The following ERBB4 variants were observed in gnomAD, a reference collection of about 807,000 sequenced individuals.
ERBB4 encodes the protein erb-b2 receptor tyrosine kinase 4, also known as receptor tyrosine-protein kinase erbB-4.
Under a neutral mutation model 158.0 loss-of-function variants are expected in ERBB4, and 42 were observed. The observed-to-expected ratio is 0.27, with a 90% CI of 0.21 to 0.34. ERBB4 has a LOEUF of 0.34. ERBB4 is among the 10% of genes least tolerant of loss of function. The pLI is 1.00. For missense variants in ERBB4, 1,333 were observed against 1,624.1 expected, an observed-to-expected ratio of 0.82 and a Z score of 3.08; for synonymous variants, 583 against 558.7, an observed-to-expected ratio of 1.04 and a Z score of -0.61.
At chr2:211,988,134 G>A (rs1450703146) in intron 2 of ERBB4, among the ~76,000 whole-genome samples, 1 of 152,084 alleles carries the variant, frequency 6.6e-6, no homozygotes, top group Non-Finnish European at 1.5e-5. Context: ...AGCAGAAAAA[G>A]GTTTTAGAGA....
intron 14 of ERBB4, among the ~76,000 whole-genome samples, chr2:211,665,702 A>C (rs1559396101): frequency 1.3e-5 from 2 of 152,208 alleles, no homozygotes; most frequent in Non-Finnish European, 2.9e-5. Context: ...GTGTGAAAAC[A>C]CTATAATAAT....
chr2:212,114,222 A>C (rs1475603743), intron 2 of ERBB4, among the ~76,000 whole-genome samples: 1 of 152,236 alleles, frequency 6.6e-6, no homozygotes, highest in African/African-American at 2.4e-5. Context: ...GGAGGAATTT[A>C]GACTAGGTAG....
intron 4 of ERBB4, among the ~76,000 whole-genome samples, chr2:211,755,604 G>A (rs1013669282): frequency 3.3e-5 from 5 of 152,200 alleles, no homozygotes; most frequent in Admixed American, 1.3e-4. Context: ...CTTTCACAAT[G>A]CATTATTCAT....
intron 2 of ERBB4, among the ~76,000 whole-genome samples, chr2:211,953,521 C>T (rs1054751315): frequency 6.7e-6 from 1 of 148,294 alleles, no homozygotes; most frequent in Admixed American, 6.7e-5. Flanking sequence ...AGACAAAATC[C>T]TGACTCTGGT....
At chr2:212,510,313 C>G (rs1015677658) in intron 1 of ERBB4, among the ~76,000 whole-genome samples, 4 of 149,780 alleles carry the variant, frequency 2.7e-5, no homozygotes, top group Admixed American at 6.7e-5. Flanking sequence ...AACAAGTGTA[C>G]AGAAGGCTAC....
At chr2:212,289,116 C>T (rs2106174321) in intron 1 of ERBB4, among the ~76,000 whole-genome samples, 1 of 152,250 alleles carries the variant, frequency 6.6e-6, no homozygotes, top group Non-Finnish European at 1.5e-5. Flanking sequence ...CCAGCCGTGG[C>T]TACATAATTC....
At chr2:212,334,943 T>G (rs1350607454) in intron 1 of ERBB4, among the ~76,000 whole-genome samples, 1 of 151,954 alleles carries the variant, frequency 6.6e-6, no homozygotes, top group Non-Finnish European at 1.5e-5. Flanking sequence ...AAACAGTTCC[T>G]AAGTAGATCA....
At chr2:212,182,567 G>A (rs2081901561) in intron 1 of ERBB4, among the ~76,000 whole-genome samples, 1 of 151,690 alleles carries the variant, frequency 6.6e-6, no homozygotes, top group Non-Finnish European at 1.5e-5. Flanking sequence ...CTGAACTGTT[G>A]TTTTTATTTG....
intron 1 of ERBB4, among the ~76,000 whole-genome samples, chr2:212,209,730 G>A (rs1278341647): frequency 6.6e-6 from 1 of 152,032 alleles, no homozygotes; most frequent in East Asian, 1.9e-4. Context: ...AATCCAATAG[G>A]CTGGTTTTCA....
At chr2:211,836,436 T>C (rs776252298) in intron 3 of ERBB4, among the ~76,000 whole-genome samples, 5 of 152,060 alleles carry the variant, frequency 3.3e-5, no homozygotes, top group Admixed American at 6.6e-5. Flanking sequence ...TGTAGCAACA[T>C]GTGTGTGATA....
intron 3 of ERBB4, among the ~76,000 whole-genome samples, chr2:211,839,720 A>T (rs1039236134): frequency 6.6e-6 from 1 of 152,124 alleles, no homozygotes; most frequent in African/African-American, 2.4e-5. Context: ...GTGTAAATTA[A>T]AAACATGTCT....
Position 212,349,320 on chromosome 2 carries a change from CA to C in ERBB4, c.82+189128del, listed in dbSNP as rs1454683137. On this transcript the variant is annotated intron_variant, in intron 1 of 27. Coordinates refer to ENST00000342788, the MANE Select transcript of ERBB4 (RefSeq NM_005235.3). ...ACACACACACACACACACACACACACACCCTTCAAGTGTTTGACAGCCCTGC... is the reference window on the plus strand; with the variant it reads ...ACACACACACACACACACACACACACCCCTTCAAGTGTTTGACAGCCCTGC... Among the ~76,000 whole-genome samples, 16 of 150,556 alleles carry C rather than the reference CA, an allele frequency of 1.1e-4. No individual in the cohort carries two copies. The South Asian group carries it at 1.7e-3, about 16-fold the overall frequency.
intron 3 of ERBB4, among the ~76,000 whole-genome samples, chr2:211,888,468 T>C (rs2078863812): frequency 6.6e-6 from 1 of 152,358 alleles, no homozygotes; most frequent in African/African-American, 2.4e-5. Flanking sequence ...TTATTACATA[T>C]AATCAATTTT....
intron 2 of ERBB4, among the ~76,000 whole-genome samples, chr2:212,016,043 A>G (rs2076521935): frequency 6.6e-6 from 1 of 151,712 alleles, no homozygotes; most frequent in Admixed American, 6.6e-5. Context: ...AAAAAAATGC[A>G]TTGGTGCATT....
intron 3 of ERBB4, among the ~76,000 whole-genome samples, chr2:211,806,100 T>G (rs1389559271): frequency 1.3e-5 from 2 of 152,078 alleles, no homozygotes; most frequent in Non-Finnish European, 2.9e-5. Flanking sequence ...AGCCAAATAA[T>G]TTCCCATAAT....
At chr2:212,498,485 T>A (rs1690705002) in intron 1 of ERBB4, among the ~76,000 whole-genome samples, 1 of 152,140 alleles carries the variant, frequency 6.6e-6, no homozygotes, top group Admixed American at 6.6e-5. Context: ...GATACATTCC[T>A]ATTGCAAAAA....
intron 7 of ERBB4, among the ~76,000 whole-genome samples, chr2:211,714,802 C>T (rs1308464608): frequency 2.0e-5 from 3 of 152,116 alleles, no homozygotes; most frequent in African/African-American, 7.2e-5. Flanking sequence ...AAGAGCATTC[C>T]ATTGTAAAAT....
chr2:212,502,302 C>T (rs1437177353), intron 1 of ERBB4, among the ~76,000 whole-genome samples: 4 of 152,072 alleles, frequency 2.6e-5, no homozygotes, highest in Non-Finnish European at 5.9e-5. Context: ...TATTACTTAA[C>T]AATAAAAATT....
At chr2:212,069,494 C>G (rs577187218) in intron 2 of ERBB4, among the ~76,000 whole-genome samples, 1 of 151,918 alleles carries the variant, frequency 6.6e-6, no homozygotes, top group African/African-American at 2.4e-5. Flanking sequence ...TCCCCACTCC[C>G]GATCAGGAAC....
Sources: gnomAD v4.1 joint callset for allele counts (sites outside exome capture counted in the v4.1 genomes callset) on GRCh38, gnomAD v4.1.1 for gene constraint, MANE v1.5 for transcripts, NCBI Gene and HGNC (gene_info 2026-07-23, HGNC 2026-07-21) for gene names.